CDC14A: variants seen among roughly 807,000 people sequenced by gnomAD.
The protein encoded by CDC14A is dual specificity protein phosphatase CDC14A.
CDC14A carries 53 observed loss-of-function variants against 74.4 expected under a neutral mutation model. The ratio of observed to expected loss-of-function variants is 0.71; its 90% CI spans 0.57 to 0.89. The LOEUF (loss-of-function observed/expected upper bound fraction) is 0.89, where lower values mean the gene tolerates loss of function less well. Among genes scored for constraint, CDC14A ranks in the 40% least tolerant of loss-of-function variants. CDC14A has a pLI of 0.00. For missense variants in CDC14A, 646 were observed against 713.7 expected (o/e 0.91, Z 1.08); for synonymous variants, 247 against 258.4 (o/e 0.96, Z 0.43).
rs561595970 is a variant in CDC14A at position 100,394,067 on chromosome 1, A to G, written c.309+3243A>G. 12 of 222,510 alleles carry G rather than the reference A, an allele frequency of 5.4e-5. No individual in the cohort carries two copies. The East Asian group carries it at 1.2e-3, about 23-fold the overall frequency. 13.8% of individuals were successfully genotyped at this position (222,510 alleles called of 1,614,324 possible). On this transcript the variant is annotated intron_variant, in intron 4 of 15. Coordinates refer to ENST00000336454, the MANE Select transcript of CDC14A (RefSeq NM_003672.4). ...TTTGCCCTACTCTTCTCATTTCTTTACCCCTTTTTCCCTCCCTTGCATCTT... is the reference window on the plus strand; with the variant it reads ...TTTGCCCTACTCTTCTCATTTCTTTGCCCCTTTTTCCCTCCCTTGCATCTT...
intron 4 of CDC14A, among the ~76,000 whole-genome samples, chr1:100,395,989 C>G (rs1415113790): frequency 1.3e-5 from 2 of 152,206 alleles, no homozygotes; most frequent in Non-Finnish European, 2.9e-5. Context: ...CCTAGTCATC[C>G]TTTAGACCTT....
At chr1:100,430,787 C>G (rs1283108000) in intron 5 of CDC14A, among the ~76,000 whole-genome samples, 4 of 152,180 alleles carry the variant, frequency 2.6e-5, no homozygotes, top group Admixed American at 2.6e-4. Flanking sequence ...GGAAAGTTCT[C>G]CTTACCGTGC....
chr1:100,496,657 A>G (rs890230315), intron 13 of CDC14A, among the ~76,000 whole-genome samples: 3 of 152,184 alleles, frequency 2.0e-5, no homozygotes, highest in African/African-American at 7.2e-5. Context: ...TCTTAGGTTT[A>G]GGACTGTTTA....
rs902699658 is a variant in CDC14A at position 100,353,750 on chromosome 1, C to T, written c.50-12C>T. ...TCATATGTTTTTTCTGTCTTTTAAACTTGTCTTTCAGATCGGTTATATTTT... is the reference window on the plus strand; with the variant it reads ...TCATATGTTTTTTCTGTCTTTTAAATTTGTCTTTCAGATCGGTTATATTTT... On this transcript the variant is annotated splice_polypyrimidine_tract_variant and intron_variant, in intron 1 of 15. Transcript: ENST00000336454. 2 of 1,453,136 alleles carry T rather than the reference C, an allele frequency of 1.4e-6. No individual in the cohort carries two copies. Among genetic ancestry groups the T allele is most frequent in the Non-Finnish European group, 1.9e-6 (2 of 1,040,578 alleles). The allele number at this position is 1,453,136 out of a possible 1,614,324, so 90.0% of individuals were successfully genotyped here.
chr1:100,446,856 C>T (rs1665596523), intron 7 of CDC14A, among the ~76,000 whole-genome samples: 1 of 152,072 alleles, frequency 6.6e-6, no homozygotes, highest in African/African-American at 2.4e-5. Context: ...TGCCACCTTG[C>T]CCTGCTAATT....
Position 100,518,474 on chromosome 1 carries a change from C to CTG in CDC14A, c.*195_*196dup. On this transcript the variant is annotated 3_prime_UTR_variant, in exon 16 of 16. Transcript: ENST00000336454. ...CTGGTTAATGACTACTATAAATGCA[C>CTG]TGAAACTATGTTTATGGAGATTTCC... 1 of 526,298 alleles carries CTG rather than the reference C, an allele frequency of 1.9e-6. No homozygotes were observed. The allele number at this position is 526,298 out of a possible 1,614,324, so 32.6% of individuals were successfully genotyped here. A position where few individuals can be genotyped will look rare whatever the true frequency, so the allele number is the denominator to read the frequency against.
intron 2 of CDC14A, 40 bp downstream of exon 2, chr1:100,353,892 G>C (rs962761074): frequency 3.3e-6 from 4 of 1,197,394 alleles, no homozygotes; most frequent in Non-Finnish European, 2.4e-6. Context: ...TGGCCATTCA[G>C]CTTGTTCTTT....
intron 9 of CDC14A, among the ~76,000 whole-genome samples, chr1:100,465,389 C>T (rs1430760462): frequency 1.3e-5 from 2 of 152,194 alleles, no homozygotes; most frequent in African/African-American, 2.4e-5. Context: ...TCCACTTGCA[C>T]ACACACGTAG....
intron 5 of CDC14A, among the ~76,000 whole-genome samples, chr1:100,433,482 C>T (rs981305907): frequency 7.2e-5 from 11 of 152,126 alleles, no homozygotes; most frequent in African/African-American, 2.7e-4. Flanking sequence ...TTTTTGCATA[C>T]CTCCTAACTA....
chr1:100,429,236 T>TAAATAAATAA (rs1242910769), intron 5 of CDC14A, among the ~76,000 whole-genome samples: 12 of 14,390 alleles, frequency 8.3e-4, no homozygotes, highest in African/African-American at 1.2e-3. Flanking sequence ...TAAATAAATA[T>TAAATAAATAA]AAAATAAAAT....
At chr1:100,381,472 T>A (rs1300543470) in intron 3 of CDC14A, among the ~76,000 whole-genome samples, 1 of 152,218 alleles carries the variant, frequency 6.6e-6, no homozygotes, top group Non-Finnish European at 1.5e-5. Flanking sequence ...TTTTTTAGTT[T>A]GGAAATTTTT....
intron 5 of CDC14A, among the ~76,000 whole-genome samples, chr1:100,437,442 T>C (rs1034197807): frequency 5.9e-5 from 9 of 152,194 alleles, no homozygotes; most frequent in Admixed American, 1.3e-4. Flanking sequence ...GCTATGCATA[T>C]AAATTACCTG....
At chr1:100,465,016 C>G (rs1158555883) in intron 9 of CDC14A, among the ~76,000 whole-genome samples, 2 of 151,682 alleles carry the variant, frequency 1.3e-5, no homozygotes, top group Admixed American at 6.6e-5. Flanking sequence ...GCCTCTGCCT[C>G]CCAGGTTCAA....
At chr1:100,464,209 A>G (rs1343783020) in intron 9 of CDC14A, among the ~76,000 whole-genome samples, 1 of 152,216 alleles carries the variant, frequency 6.6e-6, no homozygotes, top group African/African-American at 2.4e-5. Flanking sequence ...GGTTTGGAGC[A>G]GGGCTCCCCA....
intron 3 of CDC14A, among the ~76,000 whole-genome samples, chr1:100,386,555 G>T (rs896115086): frequency 6.6e-6 from 1 of 151,816 alleles, no homozygotes; most frequent in Non-Finnish European, 1.5e-5. Flanking sequence ...CTGCACTTTG[G>T]GAGGCTGGGG....
upstream of CDC14A, chr1:100,351,776 G>A: frequency 6.4e-7 from 1 of 1,550,584 alleles, no homozygotes; most frequent in Non-Finnish European, 8.7e-7. Flanking sequence ...TTTTTGTCCC[G>A]TGAGAACAAA....
rs1652661094 is a variant in CDC14A at position 100,360,842 on chromosome 1, A to G, written c.140+6990A>G. Among the ~76,000 whole-genome samples the G allele has an allele frequency of 3.3e-5, 5 of 152,296 alleles. No individual in the cohort carries two copies. In the South Asian group the frequency reaches 8.3e-4, roughly 25 times the overall value. ...AACAAAAAATGTAGCCGAGGTGCTA[A>G]GGAGAGTTATCTTAACAGGGCTAGT... On this transcript the variant is annotated intron_variant, in intron 2 of 15. Transcript: ENST00000336454.
intron 10 of CDC14A, among the ~76,000 whole-genome samples, chr1:100,468,497 T>C (rs529703469): frequency 6.6e-6 from 1 of 152,180 alleles, no homozygotes; most frequent in South Asian, 2.1e-4. Flanking sequence ...AGATTGCTGC[T>C]CTCCTGACAA....
At chr1:100,434,243 C>T (rs1216406587) in intron 5 of CDC14A, among the ~76,000 whole-genome samples, 1 of 151,998 alleles carries the variant, frequency 6.6e-6, no homozygotes, top group Non-Finnish European at 1.5e-5. Context: ...GAATTGTGGC[C>T]AGGCGTGGTG....
Sources: allele counts gnomAD v4.1 joint callset (sites outside exome capture counted in the v4.1 genomes callset), GRCh38; gene constraint gnomAD v4.1.1; transcripts MANE v1.5; gene names NCBI Gene and HGNC (gene_info 2026-07-23, HGNC 2026-07-21).